ARMC8: variants seen among roughly 807,000 people sequenced by gnomAD.
ARMC8 encodes armadillo repeat-containing protein 8.
In ARMC8, 20 loss-of-function variants were observed where a neutral mutation model predicts 99.3. The ratio of observed to expected loss-of-function variants is 0.20; its 90% CI spans 0.14 to 0.29. ARMC8 has a LOEUF of 0.29. Among genes scored for constraint, ARMC8 ranks in the 10% least tolerant of loss-of-function variants. The probability of loss-of-function intolerance (pLI) is 1.00; values close to 1 mark genes in which losing one functional copy is unlikely to be tolerated. For synonymous variants in ARMC8, 263 were observed against 278.3 expected, an observed-to-expected ratio of 0.95 and a Z score of 0.55; for missense variants, 569 against 809.5, an observed-to-expected ratio of 0.70 and a Z score of 3.60.
chr3:138,275,537 C>T (rs1314402407), intron 18 of ARMC8, among the ~76,000 whole-genome samples: 3 of 151,020 alleles, frequency 2.0e-5, no homozygotes, highest in East Asian at 3.9e-4. Context: ...CCGACCTGGG[C>T]GGAAGAGCGA....
intron 1 of ARMC8, among the ~76,000 whole-genome samples, chr3:138,207,763 G>A (rs2044456975): frequency 6.6e-6 from 1 of 152,176 alleles, no homozygotes; most frequent in Admixed American, 6.5e-5. Flanking sequence ...TGACAAATGG[G>A]TAAAGATCAT....
At chr3:138,269,581 G>A (rs1471508474) in intron 15 of ARMC8, among the ~76,000 whole-genome samples, 1 of 152,162 alleles carries the variant, frequency 6.6e-6, no homozygotes, top group East Asian at 1.9e-4. Flanking sequence ...GGTTTTCTAA[G>A]TTCCTTTATA....
At chr3:138,242,295 A>G (rs957402630) in intron 11 of ARMC8, among the ~76,000 whole-genome samples, 2 of 152,204 alleles carry the variant, frequency 1.3e-5, no homozygotes, top group South Asian at 2.1e-4. Context: ...ATTCTTGGTC[A>G]TGGAATCATC....
chr3:138,247,799 G>A (rs1235627847), intron 12 of ARMC8, among the ~76,000 whole-genome samples: 4 of 152,200 alleles, frequency 2.6e-5, no homozygotes, highest in African/African-American at 9.7e-5. Context: ...AAGATGGAAT[G>A]TGACTTGTAG....
chr3:138,234,661 G>A (rs190673062), intron 6 of ARMC8, among the ~76,000 whole-genome samples: 1 of 152,330 alleles, frequency 6.6e-6, no homozygotes, highest in East Asian at 1.9e-4. Context: ...GGGCAATAAT[G>A]TGCACATGAA....
chr3:138,238,006 GA>G (rs765777457), intron 9 of ARMC8: 98 of 131,244 alleles, frequency 7.5e-4, no homozygotes, highest in Non-Finnish European at 9.0e-4. Context: ...ATCTTTTAAG[GA>G]AAAAAAAAAA....
At chr3:138,239,860 C>T (rs1355660167) in intron 10 of ARMC8, among the ~76,000 whole-genome samples, 3 of 152,082 alleles carry the variant, frequency 2.0e-5, no homozygotes, top group African/African-American at 4.8e-5. Context: ...TAAATTTGTA[C>T]TACAGTTTTA....
intron 12 of ARMC8, chr3:138,246,062 G>A: frequency 1.0e-6 from 1 of 985,386 alleles, no homozygotes; most frequent in Non-Finnish European, 1.2e-6. Flanking sequence ...CACTGTGAGA[G>A]AAATCACAAA....
At chr3:138,264,444 T>G (rs2048065580) in intron 14 of ARMC8, among the ~76,000 whole-genome samples, 1 of 119,744 alleles carries the variant, frequency 8.4e-6, no homozygotes, top group Non-Finnish European at 1.7e-5. Context: ...TTTTGAGATG[T>G]AGTCTAGCTC....
chr3:138,226,686 C>G (rs984523186), intron 5 of ARMC8, among the ~76,000 whole-genome samples: 6 of 152,234 alleles, frequency 3.9e-5, no homozygotes, highest in Non-Finnish European at 8.8e-5. Flanking sequence ...GGAAGTTTCT[C>G]ACCTACCCTC....
intron 6 of ARMC8, among the ~76,000 whole-genome samples, chr3:138,229,993 GT>G (rs2045949814): frequency 1.3e-5 from 2 of 152,130 alleles, no homozygotes; most frequent in Non-Finnish European, 2.9e-5. Flanking sequence ...AAATCACCCA[GT>G]TTTAGGAAGA....
chr3:138,223,076 G>C (rs2045491008), intron 3 of ARMC8, among the ~76,000 whole-genome samples: 1 of 152,160 alleles, frequency 6.6e-6, no homozygotes, highest in African/African-American at 2.4e-5. Context: ...TCATATTTTG[G>C]AGACCCAGCA....
intron 1 of ARMC8, among the ~76,000 whole-genome samples, chr3:138,208,804 G>C (rs2044534585): frequency 6.6e-6 from 1 of 152,014 alleles, no homozygotes; most frequent in South Asian, 2.1e-4. Flanking sequence ...TATTAAAAAA[G>C]AGTTACCCTC....
In ARMC8 at chr3:138,270,126, T is replaced by C; in HGVS notation, c.1473T>C (p.Ala491=). The change falls in exon 16 of 22, where the codon GCT becomes GCC. Residue 491 remains alanine, a synonymous_variant. Transcript: ENST00000469044. ...NPALRVNGIW[A]LMNMAFQAEQ... is the part of the protein sequence containing the mutation. ...CTTTACGAGTGAATGGAATTTGGGC[T>C]TTAATGGTACGTTTCACTTTTATAT... 1 of 1,606,280 alleles carries C rather than the reference T, an allele frequency of 6.2e-7. No homozygotes were observed. Among genetic ancestry groups the C allele is most frequent in the Non-Finnish European group, 8.5e-7 (1 of 1,173,006 alleles).
chr3:138,293,653 G>A (rs1211731293), intron 21 of ARMC8, among the ~76,000 whole-genome samples: 1 of 152,210 alleles, frequency 6.6e-6, no homozygotes, highest in African/African-American at 2.4e-5. Flanking sequence ...ATCTGAGCTT[G>A]TACCTTGAGG....
chr3:138,269,820 C>CTTTTTTTT (rs77095833), intron 15 of ARMC8, among the ~76,000 whole-genome samples: 6 of 121,694 alleles, frequency 4.9e-5, no homozygotes, highest in Non-Finnish European at 5.1e-5. Context: ...TGTTTTCTTT[C>CTTTTTTTT]TTTTTTTTTT....
chr3:138,252,991 G>T (rs998520896), intron 12 of ARMC8, among the ~76,000 whole-genome samples: 2 of 151,938 alleles, frequency 1.3e-5, no homozygotes, highest in African/African-American at 4.8e-5. Context: ...GCATGTGACA[G>T]ACCCTAGAAA....
chr3:138,221,764 C>G (rs907387750), intron 2 of ARMC8, among the ~76,000 whole-genome samples, 162 bp from the exon 3 acceptor site: 1 of 152,198 alleles, frequency 6.6e-6, no homozygotes, highest in African/African-American at 2.4e-5. Flanking sequence ...CCCCCACATT[C>G]ACTCTGCACC....
intron 18 of ARMC8, among the ~76,000 whole-genome samples, chr3:138,278,134 A>C (rs946936764): frequency 6.6e-6 from 1 of 152,240 alleles, no homozygotes; most frequent in African/African-American, 2.4e-5. Flanking sequence ...AAGGGATAGC[A>C]CAGGACAATT....
Sources: allele counts gnomAD v4.1 joint callset (sites outside exome capture counted in the v4.1 genomes callset), GRCh38; gene constraint gnomAD v4.1.1; transcripts MANE v1.5; gene names NCBI Gene and HGNC (gene_info 2026-07-23, HGNC 2026-07-21).